The following CLIP1 variants were observed in gnomAD, a reference collection of about 807,000 sequenced individuals.
The protein encoded by CLIP1 is CAP-Gly domain containing linker protein 1.
In CLIP1, 66 loss-of-function variants were observed where a neutral mutation model predicts 161.6. That is an observed-to-expected ratio of 0.41 (90% CI 0.33 to 0.50). The LOEUF (loss-of-function observed/expected upper bound fraction) is 0.50, where lower values mean the gene tolerates loss of function less well. CLIP1 is among the 20% of genes least tolerant of loss of function. CLIP1 has a pLI of 0.27. For synonymous variants in CLIP1, 598 were observed against 626.2 expected (o/e 0.96, Z 0.67); for missense variants, 1,376 against 1,702.0 (o/e 0.81, Z 3.37).
At chr12:122,335,543 A>G (rs1952177778) in intron 12 of CLIP1, among the ~76,000 whole-genome samples, 1 of 152,158 alleles carries the variant, frequency 6.6e-6, no homozygotes, top group African/African-American at 2.4e-5. Context: ...GCAGTAGCTC[A>G]CGCCTATAAT....
chr12:122,322,996 A>C (rs1038061166), intron 17 of CLIP1: 2 of 152,504 alleles, frequency 1.3e-5, no homozygotes, highest in African/African-American at 2.4e-5. Context: ...TTCTCTCTTG[A>C]AGCTCCTTCT....
chr12:122,406,115 G>A (rs965271973), intron 1 of CLIP1, among the ~76,000 whole-genome samples: 1 of 152,100 alleles, frequency 6.6e-6, no homozygotes, highest in African/African-American at 2.4e-5. Flanking sequence ...GATAAAGTAC[G>A]AAAGATGAGT....
intron 20 of CLIP1, among the ~76,000 whole-genome samples, chr12:122,302,039 GTTTT>G (rs1160381893): frequency 1.3e-5 from 2 of 152,038 alleles, no homozygotes; most frequent in African/African-American, 4.8e-5. Context: ...AGTTGGGTTG[GTTTT>G]TTTAAGTTTT....
chr12:122,282,633 T>C (rs1270746090), intron 21 of CLIP1, among the ~76,000 whole-genome samples: 1 of 151,506 alleles, frequency 6.6e-6, no homozygotes, highest in African/African-American at 2.4e-5. Flanking sequence ...TTGCTGTATA[T>C]AGATATAAAA....
At chr12:122,363,487 C>T (rs1226756906) in intron 4 of CLIP1, among the ~76,000 whole-genome samples, 1 of 150,804 alleles carries the variant, frequency 6.6e-6, no homozygotes, top group Non-Finnish European at 1.5e-5. Flanking sequence ...CAGACAGAGG[C>T]CCTGTCTCAA....
Position 122,337,471 on chromosome 12 carries a change from G to GAAA in CLIP1, c.2452-724_2452-723insTTT, listed in dbSNP as rs746545014. On this transcript the variant is annotated intron_variant, in intron 11 of 25. Coordinates refer to ENST00000620786, the MANE Select transcript of CLIP1 (RefSeq NM_001247997.2). Reference sequence around the variant, plus strand: ...AAAAAAAAAAAAAAAAGAAAGAAAAGAGAGATGGGGTCTCACCATGCTGCC... The same window carrying GAAA: ...AAAAAAAAAAAAAAAAGAAAGAAAAGAAAAGAGATGGGGTCTCACCATGCTGCC... 2.4e-3 allele frequency among the ~76,000 whole-genome samples: 354 copies of GAAA among 147,288 alleles called. 2 individuals are homozygous for GAAA. Among genetic ancestry groups the GAAA allele is most frequent in the African/African-American group, 8.5e-3 (338 of 39,858 alleles).
intron 1 of CLIP1, among the ~76,000 whole-genome samples, chr12:122,421,134 T>G (rs1421630481): frequency 6.6e-6 from 1 of 150,562 alleles, no homozygotes; most frequent in Non-Finnish European, 1.5e-5. Context: ...TCTATGACCC[T>G]CCTGCCGAAT....
intron 1 of CLIP1, among the ~76,000 whole-genome samples, chr12:122,391,309 G>C (rs769986659): frequency 1.3e-5 from 2 of 152,010 alleles, no homozygotes; most frequent in Non-Finnish European, 2.9e-5. Flanking sequence ...AACAAGGCCA[G>C]GTGCAGTGGC....
chr12:122,278,936 C>T lies in CLIP1; in HGVS notation c.3772G>A (p.Val1258Met), dbSNP rs1305725004. ...GCAGAGGCGTTTTCTCCCCTGAGCA[C>T]TGTGACCTGAAACACAGTTGTTTAG... ...ELEKLRNEVT[V>M]LRGENASAKS... is the part of the protein sequence containing the mutation. Residue 1258 changes from valine (V) to methionine (M), a missense_variant, in exon 23 of 26, where the codon GTG (valine) becomes ATG (methionine). Transcript: ENST00000620786. 5.0e-6 allele frequency: 8 copies of T among 1,608,196 alleles called. No homozygotes were observed. In the African/African-American group the frequency reaches 8.0e-5, roughly 16 times the overall value.
intron 5 of CLIP1, among the ~76,000 whole-genome samples, chr12:122,359,800 T>C (rs1161034069): frequency 6.6e-6 from 1 of 152,008 alleles, no homozygotes; most frequent in East Asian, 1.9e-4. Context: ...AACCACCTCC[T>C]CCCCGCAGCA....
intron 11 of CLIP1, among the ~76,000 whole-genome samples, chr12:122,337,789 G>A (rs1056048989): frequency 2.0e-5 from 3 of 152,094 alleles, no homozygotes; most frequent in Non-Finnish European, 4.4e-5. Context: ...GCAGAGGTGG[G>A]CGGATCACGA....
At chr12:122,332,260 A>G (rs1593088665) in intron 15 of CLIP1, among the ~76,000 whole-genome samples, 1 of 149,718 alleles carries the variant, frequency 6.7e-6, no homozygotes, top group Non-Finnish European at 1.5e-5. Context: ...GCACCATTGC[A>G]CTCCAGACTG....
intron 19 of CLIP1, among the ~76,000 whole-genome samples, chr12:122,312,475 T>C (rs766047780): frequency 2.6e-5 from 4 of 152,176 alleles, no homozygotes; most frequent in Admixed American, 6.5e-5. Context: ...ATTAGAACCC[T>C]TGTGGTGGCT....
chr12:122,287,070 G>T (rs1479840440), intron 21 of CLIP1, among the ~76,000 whole-genome samples: 1 of 152,138 alleles, frequency 6.6e-6, no homozygotes, highest in Non-Finnish European at 1.5e-5. Flanking sequence ...CACTTGGGAG[G>T]CTGAGAGGTC....
Position 122,313,409 on chromosome 12 carries a change from C to T in CLIP1, c.3473+3340G>A, listed in dbSNP as rs539584925. ...GCTTTTATTAGTCAACGGAATAATT[C>T]GAAGGAGGGGGTCACAAAAACAATT... On this transcript the variant is annotated intron_variant, in intron 19 of 25. Coordinates refer to ENST00000620786, the MANE Select transcript of CLIP1 (RefSeq NM_001247997.2). 2.0e-5 allele frequency among the ~76,000 whole-genome samples: 3 copies of T among 152,080 alleles called. No individual in the cohort carries two copies. The East Asian group carries it at 5.8e-4, about 29-fold the overall frequency.
At chr12:122,317,313 G>A (rs1012075679) in intron 18 of CLIP1, among the ~76,000 whole-genome samples, 4 of 152,150 alleles carry the variant, frequency 2.6e-5, no homozygotes, top group African/African-American at 9.7e-5. Flanking sequence ...GATTTACATA[G>A]TCCTCATTAC....
chr12:122,411,728 T>C (rs1038153509), intron 1 of CLIP1, among the ~76,000 whole-genome samples: 2 of 152,138 alleles, frequency 1.3e-5, no homozygotes, highest in African/African-American at 4.8e-5. Flanking sequence ...TTGCCCAGGC[T>C]GGCATCAAAC....
chr12:122,375,795 C>A (rs1290681999), intron 3 of CLIP1, among the ~76,000 whole-genome samples: 2 of 141,544 alleles, frequency 1.4e-5, no homozygotes, highest in African/African-American at 2.6e-5. Context: ...CTTATTTTGT[C>A]AATAAAGTTA....
chr12:122,408,229 C>CAAA (rs1259000241), intron 1 of CLIP1, among the ~76,000 whole-genome samples: 1 of 57,450 alleles, frequency 1.7e-5, no homozygotes, highest in African/African-American at 6.3e-5. Flanking sequence ...TACTCCGTCT[C>CAAA]AAAAAAAAAA....
Sources: gnomAD v4.1 joint callset for allele counts (sites outside exome capture counted in the v4.1 genomes callset) on GRCh38, gnomAD v4.1.1 for gene constraint, MANE v1.5 for transcripts, NCBI Gene and HGNC (gene_info 2026-07-23, HGNC 2026-07-21) for gene names.